KSR2: variants seen among roughly 807,000 people sequenced by gnomAD.
KSR2 encodes the protein kinase suppressor of ras 2.
A neutral mutation model predicts 107.8 loss-of-function variants in KSR2; 25 were observed. That is an observed-to-expected ratio of 0.23 (90% CI 0.17 to 0.32). The LOEUF is 0.32. KSR2 is among the 10% of genes least tolerant of loss of function. The pLI, the probability that KSR2 is intolerant of heterozygous loss-of-function variation, is 1.00. For missense variants in KSR2, 887 were observed against 1,268.9 expected (o/e 0.70, Z 4.57); for synonymous variants, 480 against 507.0 (o/e 0.95, Z 0.71).
At chr12:117,588,305 C>T (rs376257145) in intron 5 of KSR2, among the ~76,000 whole-genome samples, 1 of 152,196 alleles carries the variant, frequency 6.6e-6, no homozygotes, top group Admixed American at 6.5e-5. Flanking sequence ...AAGAAATTTT[C>T]ATGGGATTTG....
chr12:117,619,793 T>G (rs551788268), intron 5 of KSR2, among the ~76,000 whole-genome samples: 2 of 152,120 alleles, frequency 1.3e-5, no homozygotes, highest in East Asian at 3.9e-4. Context: ...AAAGACAGCT[T>G]TATTGAAGTA....
intron 7 of KSR2, among the ~76,000 whole-genome samples, chr12:117,574,029 T>G (rs962497572): frequency 2.0e-5 from 3 of 152,170 alleles, no homozygotes; most frequent in Non-Finnish European, 4.4e-5. Flanking sequence ...AAGCTTGATT[T>G]TGTTTTTTAA....
intron 5 of KSR2, among the ~76,000 whole-genome samples, chr12:117,600,888 G>C (rs968397856): frequency 6.6e-6 from 1 of 152,090 alleles, no homozygotes; most frequent in Non-Finnish European, 1.5e-5. Flanking sequence ...CATGGGGGTC[G>C]AGTGGGGGCT....
At chr12:117,874,892 G>A (rs1893780758) in intron 1 of KSR2, among the ~76,000 whole-genome samples, 2 of 151,986 alleles carry the variant, frequency 1.3e-5, no homozygotes, top group African/African-American at 2.4e-5. Context: ...CATCTAAGCC[G>A]AGCCCACCGT....
intron 5 of KSR2, among the ~76,000 whole-genome samples, chr12:117,629,324 C>T (rs1392562123): frequency 1.3e-5 from 2 of 152,160 alleles, no homozygotes; most frequent in Non-Finnish European, 2.9e-5. Flanking sequence ...TCCTATTTGG[C>T]CATCTTGGAA....
chr12:117,689,242 T>C (rs1453498441), intron 4 of KSR2, among the ~76,000 whole-genome samples: 2 of 152,238 alleles, frequency 1.3e-5, no homozygotes, highest in Non-Finnish European at 2.9e-5. Flanking sequence ...TCTTGGAGTT[T>C]TAAACATCTC....
chr12:117,689,157 T>C (rs1050778269), intron 4 of KSR2, among the ~76,000 whole-genome samples: 1 of 152,188 alleles, frequency 6.6e-6, no homozygotes, highest in African/African-American at 2.4e-5. Context: ...TATGTTTATA[T>C]CTATTTCTCT....
At position 117,799,311 on chromosome 12, in the gene KSR2, G is replaced by A. The variant is rs1043714548; in HGVS notation, c.473-37787C>T. 3.3e-5 allele frequency among the ~76,000 whole-genome samples: 5 copies of A among 152,076 alleles called. No homozygotes were observed. The South Asian group carries it at 6.2e-4, about 19-fold the overall frequency. Reference sequence around the variant, plus strand: ...GAGGTCAGGAGTTCAAGATCAGCCCGGCCAACATGGTGAAACCCCGTCTCT... The same window carrying A: ...GAGGTCAGGAGTTCAAGATCAGCCCAGCCAACATGGTGAAACCCCGTCTCT... On this transcript the variant is annotated intron_variant, in intron 3 of 19. Transcript: ENST00000339824.
chr12:117,870,403 C>A (rs966605919), intron 1 of KSR2, among the ~76,000 whole-genome samples: 5 of 152,000 alleles, frequency 3.3e-5, no homozygotes, highest in Non-Finnish European at 7.4e-5. Flanking sequence ...GAGTTCAAGA[C>A]CAGCCTGGCC....
chr12:117,922,643 G>A (rs1045635898), intron 1 of KSR2, among the ~76,000 whole-genome samples: 1 of 152,162 alleles, frequency 6.6e-6, no homozygotes, highest in Non-Finnish European at 1.5e-5. Context: ...CATTTCAAAA[G>A]AAGGGAAACA....
chr12:117,658,454 TAAGTC>T (rs2136457501), intron 5 of KSR2, among the ~76,000 whole-genome samples: 1 of 152,346 alleles, frequency 6.6e-6, no homozygotes, highest in South Asian at 2.1e-4. Context: ...CCTGCTATTG[TAAGTC>T]AAGTTCTACT....
intron 19 of KSR2, among the ~76,000 whole-genome samples, chr12:117,468,380 AC>A (rs1396356767): frequency 3.3e-5 from 5 of 152,188 alleles, no homozygotes; most frequent in Non-Finnish European, 4.4e-5. Flanking sequence ...CACAGCTATT[AC>A]GTAGTGGAGT....
intron 4 of KSR2, among the ~76,000 whole-genome samples, chr12:117,732,662 T>G (rs1887779171): frequency 6.6e-6 from 1 of 152,156 alleles, no homozygotes; most frequent in South Asian, 2.1e-4. Flanking sequence ...AAGTGGATCA[T>G]GCTGGAAGGA....
At chr12:117,753,649 C>A (rs758639942) in intron 4 of KSR2, among the ~76,000 whole-genome samples, 1 of 152,040 alleles carries the variant, frequency 6.6e-6, no homozygotes, top group African/African-American at 2.4e-5. Flanking sequence ...ACAACACACA[C>A]TGGGGCCTTC....
At chr12:117,692,299 G>T (rs1445527746) in intron 4 of KSR2, among the ~76,000 whole-genome samples, 2 of 151,676 alleles carry the variant, frequency 1.3e-5, no homozygotes, top group Non-Finnish European at 2.9e-5. Context: ...TTTACAAATA[G>T]AAAATAATAA....
At chr12:117,818,961 C>T (rs1043711088) in intron 3 of KSR2, among the ~76,000 whole-genome samples, 1 of 152,068 alleles carries the variant, frequency 6.6e-6, no homozygotes, top group African/African-American at 2.4e-5. Context: ...AGGGCAGCCC[C>T]CAAAACACCA....
intron 1 of KSR2, among the ~76,000 whole-genome samples, chr12:117,870,455 C>G (rs1450141392): frequency 6.6e-6 from 1 of 151,966 alleles, no homozygotes; most frequent in Non-Finnish European, 1.5e-5. Context: ...ACAAAATTAA[C>G]CGGGTGTGGT....
chr12:117,714,813 A>G (rs1251604492), intron 4 of KSR2, among the ~76,000 whole-genome samples: 1 of 152,204 alleles, frequency 6.6e-6, no homozygotes, highest in East Asian at 1.9e-4. Context: ...TAGAGACTAG[A>G]GAAGATGCTA....
chr12:117,864,858 G>A (rs192069861), intron 1 of KSR2, among the ~76,000 whole-genome samples: 1 of 152,178 alleles, frequency 6.6e-6, no homozygotes, highest in Non-Finnish European at 1.5e-5. Flanking sequence ...CCTATTTCCA[G>A]ATAAGGTCAT....
Sources: allele counts gnomAD v4.1 joint callset (sites outside exome capture counted in the v4.1 genomes callset), GRCh38; gene constraint gnomAD v4.1.1; transcripts MANE v1.5; gene names NCBI Gene and HGNC (gene_info 2026-07-23, HGNC 2026-07-21).